The following OXR1 variants were observed in gnomAD, a reference collection of about 807,000 sequenced individuals.
OXR1 encodes oxidation resistance protein 1.
Under a neutral mutation model 104.6 loss-of-function variants are expected in OXR1, and 41 were observed. That is an observed-to-expected ratio of 0.39 (90% CI 0.31 to 0.51). The LOEUF (loss-of-function observed/expected upper bound fraction) is 0.51, where lower values mean the gene tolerates loss of function less well. OXR1 is among the 20% of genes least tolerant of loss of function. The probability of loss-of-function intolerance (pLI) is 0.77; values close to 1 mark genes in which losing one functional copy is unlikely to be tolerated. For missense variants in OXR1, 955 were observed against 1,031.9 expected, an observed-to-expected ratio of 0.93 and a Z score of 1.02; for synonymous variants, 348 against 348.4, an observed-to-expected ratio of 1.00 and a Z score of 0.01.
At chr8:106,353,155 C>T (rs771858028) in intron 1 of OXR1, among the ~76,000 whole-genome samples, 34 of 152,212 alleles carry the variant, frequency 2.2e-4, no homozygotes, top group Non-Finnish European at 3.1e-4. Flanking sequence ...GAGAGACCAG[C>T]CTGGCCAACA....
chr8:106,453,524 A>G (rs1414057722), intron 2 of OXR1, among the ~76,000 whole-genome samples: 2 of 152,154 alleles, frequency 1.3e-5, no homozygotes, highest in Admixed American at 6.5e-5. Context: ...GCCTTAATTC[A>G]GGCACTCATT....
intron 1 of OXR1, among the ~76,000 whole-genome samples, chr8:106,281,621 G>T (rs1381957182): frequency 6.6e-6 from 1 of 152,006 alleles, no homozygotes; most frequent in Admixed American, 6.6e-5. Flanking sequence ...CCAAGATGGT[G>T]AAACCCCGTG....
At chr8:106,405,448 T>C (rs1190786412) in intron 2 of OXR1, among the ~76,000 whole-genome samples, 2 of 151,946 alleles carry the variant, frequency 1.3e-5, no homozygotes, top group Admixed American at 6.6e-5. Context: ...AATTTGAAAC[T>C]TGTCCCATCA....
intron 1 of OXR1, among the ~76,000 whole-genome samples, chr8:106,289,673 A>G (rs898509915): frequency 6.6e-6 from 1 of 152,178 alleles, no homozygotes; most frequent in Admixed American, 6.6e-5. Flanking sequence ...CTGATTTCAA[A>G]CTATCCTACA....
intron 3 of OXR1, among the ~76,000 whole-genome samples, chr8:106,599,783 A>T (rs1000599551): frequency 6.6e-6 from 1 of 152,166 alleles, no homozygotes; most frequent in African/African-American, 2.4e-5. Flanking sequence ...AGCAGTCCCC[A>T]ACCTTTTCGG....
At chr8:106,288,542 G>GTATA (rs1554618323) in intron 1 of OXR1, among the ~76,000 whole-genome samples, 9 of 147,500 alleles carry the variant, frequency 6.1e-5, no homozygotes, top group Non-Finnish European at 7.5e-5. Flanking sequence ...GTGTGTGTGT[G>GTATA]TATATATATA....
intron 3 of OXR1, among the ~76,000 whole-genome samples, chr8:106,536,622 A>T (rs1015678253): frequency 6.6e-5 from 10 of 151,068 alleles, no homozygotes; most frequent in East Asian, 1.9e-4. Context: ...TATTTTTTAA[A>T]TTTTTTTTTT....
intron 2 of OXR1, among the ~76,000 whole-genome samples, chr8:106,390,034 C>G (rs1817532105): frequency 6.6e-6 from 1 of 152,044 alleles, no homozygotes; most frequent in Non-Finnish European, 1.5e-5. Context: ...CCACTGCACT[C>G]CAGCCAGGGT....
chr8:106,316,623 T>A (rs1423804781), intron 1 of OXR1, among the ~76,000 whole-genome samples: 1 of 152,180 alleles, frequency 6.6e-6, no homozygotes, highest in Non-Finnish European at 1.5e-5. Flanking sequence ...CTTTTTTCTT[T>A]AAAACTTAAG....
chr8:106,518,975 A>T lies in OXR1; in HGVS notation c.56A>T (p.Asn19Ile). 4 of 1,551,536 alleles carry T rather than the reference A, an allele frequency of 2.6e-6. No individual in the cohort carries two copies. Among genetic ancestry groups the T allele is most frequent in the Non-Finnish European group, 3.5e-6 (4 of 1,146,890 alleles). The part of the protein sequence containing the change: ...LKKKSQSVDI[N>I]APGFNPLAGA... ...AAAAAGTCCCAGTCGGTGGATATTA[A>T]TGCTCCAGGGTTCAACCCTTTGGCT... Residue 19 changes from asparagine to isoleucine, a missense_variant, in exon 3 of 17, where the codon AAT becomes ATT. Coordinates refer to ENST00000517566, the MANE Select transcript of OXR1 (RefSeq NM_001198533.2).
chr8:106,288,455 T>C (rs1441611120), intron 1 of OXR1, among the ~76,000 whole-genome samples: 2 of 151,924 alleles, frequency 1.3e-5, no homozygotes, highest in Non-Finnish European at 2.9e-5. Flanking sequence ...AATGTGGTTC[T>C]GACCAGAATT....
intron 3 of OXR1, among the ~76,000 whole-genome samples, chr8:106,589,590 G>A (rs1279571100): frequency 6.6e-6 from 1 of 152,124 alleles, no homozygotes; most frequent in African/African-American, 2.4e-5. Context: ...AGACGACGCA[G>A]CACCCAATGT....
intron 3 of OXR1, among the ~76,000 whole-genome samples, chr8:106,600,008 G>T (rs1167833000): frequency 6.6e-6 from 1 of 152,236 alleles, no homozygotes; most frequent in Non-Finnish European, 1.5e-5. Context: ...AGGAGGCAGA[G>T]ATCAGGCAGT....
rs187311501 is a variant in OXR1, at chr8:106,506,920, G to C, written c.24-12023G>C. Among the ~76,000 whole-genome samples, 8 of 151,368 alleles carry C rather than the reference G, an allele frequency of 5.3e-5. No homozygotes were observed. The East Asian group carries it at 1.6e-3, about 30-fold the overall frequency. On this transcript the variant is annotated intron_variant, in intron 2 of 16. Transcript: ENST00000517566. ...AAGCTGGGCAACATAATGAGACCCT[G>C]TGTCTTCCAGAAAAAAAAAAAAGTT...
intron 11 of OXR1, among the ~76,000 whole-genome samples, chr8:106,716,887 G>A: frequency 6.6e-6 from 1 of 152,020 alleles, no homozygotes; most frequent in East Asian, 1.9e-4. Flanking sequence ...ATGCCTCATG[G>A]ATACTAAGTG....
At chr8:106,677,385 TAGA>T (rs1827710015) in intron 3 of OXR1, among the ~76,000 whole-genome samples, 1 of 152,162 alleles carries the variant, frequency 6.6e-6, no homozygotes, top group Non-Finnish European at 1.5e-5. Flanking sequence ...CTATTCAGTG[TAGA>T]AGAATTAGAA....
intron 2 of OXR1, among the ~76,000 whole-genome samples, chr8:106,408,548 T>C (rs1263140513): frequency 1.3e-5 from 2 of 152,234 alleles, no homozygotes; most frequent in African/African-American, 4.8e-5. Context: ...AATAGAATTA[T>C]TGGCTTCCAA....
chr8:106,330,106 C>T (rs1054916306), intron 1 of OXR1, among the ~76,000 whole-genome samples: 1 of 152,194 alleles, frequency 6.6e-6, no homozygotes, highest in African/African-American at 2.4e-5. Flanking sequence ...TCTTAGCCTT[C>T]ATTCATACTG....
chr8:106,623,155 G>A (rs777459176), intron 3 of OXR1, among the ~76,000 whole-genome samples: 11 of 152,080 alleles, frequency 7.2e-5, no homozygotes, highest in Non-Finnish European at 1.3e-4. Flanking sequence ...TATTCCCTGA[G>A]ATTTTCTTCA....
Sources: gnomAD v4.1 joint callset for allele counts (sites outside exome capture counted in the v4.1 genomes callset) on GRCh38, gnomAD v4.1.1 for gene constraint, MANE v1.5 for transcripts, NCBI Gene and HGNC (gene_info 2026-07-23, HGNC 2026-07-21) for gene names.